SCHIP1: variants seen among roughly 807,000 people sequenced by gnomAD.
SCHIP1 encodes schwannomin interacting protein 1.
Under a neutral mutation model 29.7 loss-of-function variants are expected in SCHIP1, and 8 were observed. That is an observed-to-expected ratio of 0.27 (90% CI 0.16 to 0.49). The LOEUF (loss-of-function observed/expected upper bound fraction) is 0.49, where lower values mean the gene tolerates loss of function less well. SCHIP1 is among the 20% of genes least tolerant of loss of function. SCHIP1 has a pLI of 0.99. For synonymous variants in SCHIP1, 76 were observed against 94.9 expected, an observed-to-expected ratio of 0.80 and a Z score of 1.16; for missense variants, 193 against 294.6, an observed-to-expected ratio of 0.66 and a Z score of 2.52.
intron 1 of SCHIP1, among the ~76,000 whole-genome samples, chr3:159,845,020 C>CA (rs1711587892): frequency 6.6e-6 from 1 of 152,276 alleles, no homozygotes. Flanking sequence ...ATGCTTCCCT[C>CA]TGTTCCTTAG....
chr3:159,783,280 C>G, the SCHIP1 span, among the ~76,000 whole-genome samples: 8 of 152,252 alleles, frequency 5.3e-5, no homozygotes, highest in East Asian at 1.2e-3. Flanking sequence ...GGCCAGCTGC[C>G]GAGGCAGAGA....
At chr3:159,684,039 T>C in the SCHIP1 span, among the ~76,000 whole-genome samples, 1 of 152,134 alleles carries the variant, frequency 6.6e-6, no homozygotes. Context: ...ATGAAACTCT[T>C]AGAGATAACA....
At chr3:159,421,503 AAGG>A in the SCHIP1 span, among the ~76,000 whole-genome samples, 2,442 of 152,196 alleles carry the variant, frequency 0.016, 23 homozygotes, top group Middle Eastern at 0.048. Context: ...TACTATGAAA[AAGG>A]AGAACAAATA....
chr3:159,555,318 G>C, the SCHIP1 span, among the ~76,000 whole-genome samples: 1 of 152,118 alleles, frequency 6.6e-6, no homozygotes, highest in African/African-American at 2.4e-5. Flanking sequence ...AATTTTGTTT[G>C]CTCATTTCCT....
chr3:159,560,294 C>T, the SCHIP1 span, among the ~76,000 whole-genome samples: 1 of 152,090 alleles, frequency 6.6e-6, no homozygotes, highest in Non-Finnish European at 1.5e-5. Flanking sequence ...TCTTGTAAGT[C>T]AGTGGGAAGC....
At chr3:159,451,789 T>G in the SCHIP1 span, among the ~76,000 whole-genome samples, 2 of 152,166 alleles carry the variant, frequency 1.3e-5, no homozygotes, top group South Asian at 4.1e-4. Context: ...TAAAGCAGAA[T>G]GTTCTAGGAG....
the SCHIP1 span, among the ~76,000 whole-genome samples, chr3:159,362,168 G>GA: frequency 6.6e-6 from 1 of 152,140 alleles, no homozygotes; most frequent in Non-Finnish European, 1.5e-5. Flanking sequence ...GTAAATGCAG[G>GA]AAAAAATCCA....
the SCHIP1 span, among the ~76,000 whole-genome samples, chr3:159,391,939 A>G: frequency 1.1e-3 from 166 of 152,342 alleles, 2 homozygotes; most frequent in South Asian, 0.024. Context: ...TCATTATGTC[A>G]GACTGTGTTT....
chr3:159,853,592 C>T (rs1712945180), intron 1 of SCHIP1: 1 of 489,560 alleles, frequency 2.0e-6, no homozygotes, highest in East Asian at 3.3e-5. Flanking sequence ...ACTAAATGCA[C>T]AGAATCAAAT....
At chr3:159,773,700 A>G in the SCHIP1 span, among the ~76,000 whole-genome samples, 228 of 152,270 alleles carry the variant, frequency 1.5e-3, 1 homozygote, top group African/African-American at 5.2e-3. Flanking sequence ...TGTCAGAACA[A>G]TTATAAAATT....
the SCHIP1 span, among the ~76,000 whole-genome samples, chr3:159,469,112 G>A: frequency 6.6e-6 from 1 of 151,988 alleles, no homozygotes; most frequent in Non-Finnish European, 1.5e-5. Flanking sequence ...AACAACTGTG[G>A]TCTACTCATT....
the SCHIP1 span, among the ~76,000 whole-genome samples, chr3:159,633,579 G>A: frequency 6.6e-6 from 1 of 152,188 alleles, no homozygotes; most frequent in Non-Finnish European, 1.5e-5. Flanking sequence ...TAGCAACACT[G>A]GAAGCATGAA....
the SCHIP1 span, among the ~76,000 whole-genome samples, chr3:159,357,929 G>A: frequency 2.0e-5 from 3 of 152,226 alleles, no homozygotes; most frequent in African/African-American, 4.8e-5. Flanking sequence ...AGTCCTGGGA[G>A]CTCAGGCTAA....
the SCHIP1 span, chr3:159,274,891 T>C: frequency 2.8e-6 from 2 of 706,064 alleles, no homozygotes; most frequent in Non-Finnish European, 3.5e-6. Context: ...TTTAGTAGTT[T>C]TCTTCATATT....
chr3:159,453,919 C>T, the SCHIP1 span, among the ~76,000 whole-genome samples: 1 of 152,210 alleles, frequency 6.6e-6, no homozygotes, highest in Non-Finnish European at 1.5e-5. Flanking sequence ...TCTACCCTGA[C>T]CATCATTTTA....
the SCHIP1 span, among the ~76,000 whole-genome samples, chr3:159,678,499 A>T: frequency 6.6e-6 from 1 of 152,266 alleles, no homozygotes; most frequent in Non-Finnish European, 1.5e-5. Flanking sequence ...GCAAAAACTT[A>T]TTAACATTGA....
the SCHIP1 span, among the ~76,000 whole-genome samples, chr3:159,769,875 G>T: frequency 6.6e-6 from 1 of 152,148 alleles, no homozygotes; most frequent in African/African-American, 2.4e-5. Flanking sequence ...TATGTGTTTT[G>T]ACACACCTGT....
the SCHIP1 span, among the ~76,000 whole-genome samples, chr3:159,464,335 C>A: frequency 6.6e-6 from 1 of 152,166 alleles, no homozygotes; most frequent in Non-Finnish European, 1.5e-5. Flanking sequence ...TCTTGGCCAA[C>A]AAGTTGCTAT....
the SCHIP1 span, among the ~76,000 whole-genome samples, chr3:159,715,786 GA>G: frequency 6.6e-6 from 1 of 152,210 alleles, no homozygotes; most frequent in Admixed American, 6.5e-5. Flanking sequence ...TGGTATACCT[GA>G]AAGTGATGGG....
Sources: gnomAD v4.1 joint callset for allele counts (sites outside exome capture counted in the v4.1 genomes callset) on GRCh38, gnomAD v4.1.1 for gene constraint, MANE v1.5 for transcripts, NCBI Gene and HGNC (gene_info 2026-07-23, HGNC 2026-07-21) for gene names.